NRXN3: variants seen among roughly 807,000 people sequenced by gnomAD.
NRXN3 encodes the protein neurexin 3.
In NRXN3, 32 loss-of-function variants were observed where a neutral mutation model predicts 137.6. The observed-to-expected ratio is 0.23, with a 90% CI of 0.18 to 0.31. The LOEUF (loss-of-function observed/expected upper bound fraction) is 0.31. Ranked by LOEUF, NRXN3 falls within the 10% of genes least tolerant of loss-of-function variation. The probability of loss-of-function intolerance (pLI) is 1.00; values close to 1 mark genes in which losing one functional copy is unlikely to be tolerated. For missense variants in NRXN3, 1,574 were observed against 2,062.5 expected, an observed-to-expected ratio of 0.76 and a Z score of 4.59; for synonymous variants, 798 against 784.5, an observed-to-expected ratio of 1.02 and a Z score of -0.29.
intron 4 of NRXN3, among the ~76,000 whole-genome samples, chr14:78,416,069 C>T (rs1264778135): frequency 2.0e-5 from 3 of 152,092 alleles, no homozygotes; most frequent in South Asian, 2.1e-4. Context: ...ATGGACAATG[C>T]GGATTCAAGG....
chr14:79,517,080 C>T (rs954765766), intron 16 of NRXN3, among the ~76,000 whole-genome samples: 14 of 121,748 alleles, frequency 1.1e-4, no homozygotes, highest in African/African-American at 3.5e-4. Flanking sequence ...AGAAGTATTA[C>T]ACAAATGTAC....
intron 15 of NRXN3, among the ~76,000 whole-genome samples, chr14:79,211,234 C>G (rs1035028209): frequency 6.4e-4 from 98 of 152,188 alleles, no homozygotes; most frequent in Non-Finnish European, 4.4e-5. Flanking sequence ...ATTAAGAGTA[C>G]TTCTCTGTAT....
chr14:79,410,387 G>A (rs1383455467), intron 15 of NRXN3, among the ~76,000 whole-genome samples: 1 of 151,766 alleles, frequency 6.6e-6, no homozygotes, highest in African/African-American at 2.4e-5. Context: ...ATTTATAGGG[G>A]CTTCTTTCGT....
chr14:78,851,483 A>G (rs2099042471), intron 10 of NRXN3, among the ~76,000 whole-genome samples: 1 of 152,208 alleles, frequency 6.6e-6, no homozygotes. Flanking sequence ...ACTTGTTTTA[A>G]TACATCACTT....
At chr14:79,396,537 GTTGCT>G (rs2095031871) in intron 15 of NRXN3, among the ~76,000 whole-genome samples, 1 of 152,018 alleles carries the variant, frequency 6.6e-6, no homozygotes, top group Non-Finnish European at 1.5e-5. Flanking sequence ...GAATGGTTGT[GTTGCT>G]TTGCTTGAGA....
At chr14:78,338,334 T>C (rs753616873) in intron 4 of NRXN3, among the ~76,000 whole-genome samples, 5 of 152,250 alleles carry the variant, frequency 3.3e-5, no homozygotes, top group Non-Finnish European at 7.3e-5. Flanking sequence ...TGATGGACAG[T>C]GCAGAATGGT....
intron 15 of NRXN3, among the ~76,000 whole-genome samples, chr14:79,035,656 A>G (rs773736644): frequency 6.6e-6 from 1 of 152,068 alleles, no homozygotes; most frequent in Non-Finnish European, 1.5e-5. Flanking sequence ...ATCTAACTCA[A>G]TCTAAATTAT....
At chr14:79,743,502 A>C (rs1013622437) in intron 19 of NRXN3, among the ~76,000 whole-genome samples, 1 of 152,242 alleles carries the variant, frequency 6.6e-6, no homozygotes, top group Non-Finnish European at 1.5e-5. Context: ...GCTAACAATG[A>C]GAATGACTTA....
chr14:78,973,186 AC>A (rs2099450111), intron 14 of NRXN3, among the ~76,000 whole-genome samples: 1 of 152,208 alleles, frequency 6.6e-6, no homozygotes. Context: ...CCGTGACTAT[AC>A]ATAAACATAT....
chr14:79,018,279 AAAAAAAAAAAAAAAAAAGAG>A (rs2099582912), intron 15 of NRXN3, among the ~76,000 whole-genome samples: 2 of 63,000 alleles, frequency 3.2e-5, no homozygotes, highest in African/African-American at 1.1e-4. Context: ...AAAAAAAAAA[AAAAAAAAAAAAAAAAAAGAG>A]AGAGAGCAAG....
intron 15 of NRXN3, among the ~76,000 whole-genome samples, chr14:79,271,926 T>C (rs78954460): frequency 0.033 from 4,965 of 152,292 alleles, 291 homozygotes; most frequent in African/African-American, 0.11. Flanking sequence ...AGATGATTCA[T>C]AGTTGTACAG....
chr14:78,994,637 CA>C (rs1344746491), intron 15 of NRXN3, among the ~76,000 whole-genome samples: 12 of 152,118 alleles, frequency 7.9e-5, no homozygotes, highest in African/African-American at 2.7e-4. Context: ...TAAAAGAAAT[CA>C]AAGCATAGTC....
intron 15 of NRXN3, among the ~76,000 whole-genome samples, chr14:78,995,546 A>C (rs1567934496): frequency 6.6e-6 from 1 of 152,162 alleles, no homozygotes; most frequent in South Asian, 2.1e-4. Flanking sequence ...TGTAAGAATA[A>C]ATTTTACAAA....
At chr14:78,503,131 A>T (rs909281465) in intron 4 of NRXN3, among the ~76,000 whole-genome samples, 2 of 152,196 alleles carry the variant, frequency 1.3e-5, no homozygotes, top group Non-Finnish European at 2.9e-5. Context: ...CCTAAATGAC[A>T]TTATTTGCAA....
chr14:78,367,417 G>A (rs987870880), intron 4 of NRXN3, among the ~76,000 whole-genome samples: 3 of 152,056 alleles, frequency 2.0e-5, no homozygotes, highest in African/African-American at 7.2e-5. Context: ...TTCATCTTTT[G>A]AGGAATGAAG....
intron 1 of NRXN3, among the ~76,000 whole-genome samples, chr14:78,187,326 G>A (rs2060315689): frequency 6.6e-6 from 1 of 151,536 alleles, no homozygotes; most frequent in African/African-American, 2.4e-5. Flanking sequence ...GGAGGGAAAA[G>A]CATGAGCTTT....
At chr14:79,486,913 TTC>T (rs58861355) in intron 16 of NRXN3, among the ~76,000 whole-genome samples, 3,435 of 128,348 alleles carry the variant, frequency 0.027, 119 homozygotes, top group East Asian at 0.1. Flanking sequence ...TCTTTACAGG[TTC>T]TCTCTCTCTC....
chr14:79,811,080 T>C (rs2099230833), intron 20 of NRXN3, among the ~76,000 whole-genome samples: 1 of 152,192 alleles, frequency 6.6e-6, no homozygotes, highest in Admixed American at 6.5e-5. Context: ...GCAAATAGAA[T>C]CATGTTAAAA....
At chr14:78,180,860 CTGGGTGA>C (rs2059746485) in intron 1 of NRXN3, among the ~76,000 whole-genome samples, 1 of 152,160 alleles carries the variant, frequency 6.6e-6, no homozygotes, top group Non-Finnish European at 1.5e-5. Context: ...GTGGTTGGAG[CTGGGTGA>C]TGAGTATAAG....
Sources: allele counts gnomAD v4.1 joint callset (sites outside exome capture counted in the v4.1 genomes callset), GRCh38; gene constraint gnomAD v4.1.1; transcripts MANE v1.5; gene names NCBI Gene and HGNC (gene_info 2026-07-23, HGNC 2026-07-21).